TUSC3: variants seen among roughly 807,000 people sequenced by gnomAD.
TUSC3 encodes the protein dolichyl-diphosphooligosaccharide--protein glycosyltransferase subunit TUSC3.
In TUSC3, 45 loss-of-function variants were observed where a neutral mutation model predicts 44.8. The ratio of observed to expected loss-of-function variants is 1.00; its 90% CI spans 0.79 to 1.29. The LOEUF is 1.29. Ranked by LOEUF, TUSC3 falls within the 50% of genes most tolerant of loss-of-function variation. The probability of loss-of-function intolerance (pLI) is 0.00; values close to 1 mark genes in which losing one functional copy is unlikely to be tolerated. For missense variants in TUSC3, 519 were observed against 437.9 expected (o/e 1.19, Z -1.65); for synonymous variants, 212 against 152.9 (o/e 1.39, Z -2.85).
At chr8:15,504,205 A>C (rs938687912) in intron 2 of TUSC3, among the ~76,000 whole-genome samples, 16 of 152,024 alleles carry the variant, frequency 1.1e-4, no homozygotes, top group Non-Finnish European at 1.8e-4. Context: ...TGGTTCTGTC[A>C]CTTGCCAGCT....
chr8:15,475,477 TCA>T, intron 1 of TUSC3, among the ~76,000 whole-genome samples: 1 of 152,334 alleles, frequency 6.6e-6, no homozygotes, highest in South Asian at 2.1e-4. Context: ...TGTTTATCTC[TCA>T]GTCTCTTAGC....
At chr8:15,611,746 G>A (rs1804770654) in intron 1 of TUSC3, among the ~76,000 whole-genome samples, 1 of 152,154 alleles carries the variant, frequency 6.6e-6, no homozygotes, top group South Asian at 2.1e-4. Flanking sequence ...AGTTTGTAAT[G>A]TAGATGAGGT....
chr8:15,435,757 A>G (rs917936644), intron 1 of TUSC3, among the ~76,000 whole-genome samples: 2 of 152,232 alleles, frequency 1.3e-5, no homozygotes, highest in Non-Finnish European at 2.9e-5. Flanking sequence ...AACTTGGCCT[A>G]CATTGCTCTT....
chr8:15,665,070 G>A (rs1407255880), intron 5 of TUSC3, among the ~76,000 whole-genome samples: 6 of 151,346 alleles, frequency 4.0e-5, no homozygotes, highest in African/African-American at 1.5e-4. Flanking sequence ...ACATTTGTCT[G>A]TTTAAAATAA....
Position 15,659,734 on chromosome 8 carries a change from T to A in TUSC3, c.567+87T>A, listed in dbSNP as rs532302363. ...TTAATAAGGCCACAGTAATACTTTTTAATTTCTCTATGGTTGTTTCTCCTT... is the reference window on the plus strand; with the variant it reads ...TTAATAAGGCCACAGTAATACTTTTAAATTTCTCTATGGTTGTTTCTCCTT... On this transcript the variant is annotated intron_variant, in intron 4 of 10. Transcript: ENST00000503731. 4.0e-4 allele frequency: 613 copies of A among 1,540,754 alleles called. 8 individuals are homozygous for A. The South Asian group carries it at 6.7e-3, about 17-fold the overall frequency.
At chr8:15,493,477 G>C (rs773110169) in intron 2 of TUSC3, among the ~76,000 whole-genome samples, 1 of 152,004 alleles carries the variant, frequency 6.6e-6, no homozygotes, top group Non-Finnish European at 1.5e-5. Context: ...TGCCCAAGCC[G>C]GTCTCGAACT....
At chr8:15,847,224 A>G in the TUSC3 span, among the ~76,000 whole-genome samples, 23 of 152,294 alleles carry the variant, frequency 1.5e-4, no homozygotes, top group East Asian at 3.3e-3. Flanking sequence ...GAGGGTGTGT[A>G]TGAGACAGAA....
At chr8:15,643,043 C>G (rs1295991207) in intron 2 of TUSC3, among the ~76,000 whole-genome samples, 1 of 152,072 alleles carries the variant, frequency 6.6e-6, no homozygotes, top group Non-Finnish European at 1.5e-5. Context: ...TTGGGAGGGA[C>G]CCATGTTGTT....
chr8:15,623,959 A>C (rs1172344944), intron 2 of TUSC3, among the ~76,000 whole-genome samples: 1 of 151,964 alleles, frequency 6.6e-6, no homozygotes, highest in Non-Finnish European at 1.5e-5. Context: ...CGCACTCTCC[A>C]TTGTACTTCT....
At chr8:15,514,098 A>G (rs575289125) in intron 2 of TUSC3, among the ~76,000 whole-genome samples, 2 of 152,300 alleles carry the variant, frequency 1.3e-5, no homozygotes, top group African/African-American at 4.8e-5. Context: ...TGCATTAACA[A>G]AGAGAGGTGC....
rs186737239 is a variant in TUSC3, at chr8:15,746,191, A to G, written c.938-2184A>G. On this transcript the variant is annotated intron_variant, in intron 8 of 10. Transcript: ENST00000503731. ...AAGGTAAATAAGAAATTTGTAGTAA[A>G]TTTTTAAATCTTACAATATTTATTG... Among the ~76,000 whole-genome samples the G allele has an allele frequency of 6.8e-4, 103 of 152,096 alleles. No homozygotes were observed. In the East Asian group the frequency reaches 0.013, roughly 19 times the overall value.
Position 15,517,846 on chromosome 8 carries a change from TC to T in TUSC3, n.189+34364del, listed in dbSNP as rs138425183. Among the ~76,000 whole-genome samples, 631 of 152,234 alleles carry T rather than the reference TC, an allele frequency of 4.1e-3. 15 individuals are homozygous for T. In the East Asian group the frequency reaches 0.065, roughly 16 times the overall value. On this transcript the variant is annotated intron_variant and non_coding_transcript_variant, in intron 2 of 5. Coordinates refer to the TUSC3 transcript ENST00000503191. ...TGTTTTTAAATTTATTATCATTTTT[TC>T]TTCTGATATAATTCACATACCACAA...
chr8:15,584,935 G>T (rs1803533963), intron 1 of TUSC3, among the ~76,000 whole-genome samples: 1 of 152,050 alleles, frequency 6.6e-6, no homozygotes, highest in Admixed American at 6.6e-5. Flanking sequence ...TATTGTAGGA[G>T]ACATAAAGAC....
intron 10 of TUSC3, chr8:15,758,166 C>A: frequency 9.2e-7 from 1 of 1,086,850 alleles, no homozygotes; most frequent in Non-Finnish European, 1.1e-6. Context: ...AAAAGGCAGT[C>A]AACAAATATA....
At chr8:15,527,605 G>A (rs114735425) in intron 2 of TUSC3, among the ~76,000 whole-genome samples, 2,184 of 152,222 alleles carry the variant, frequency 0.014, 41 homozygotes, top group African/African-American at 0.047. Flanking sequence ...TGGTCTTACT[G>A]TGTTGACCAG....
At chr8:15,518,581 A>G (rs1801253155) in intron 2 of TUSC3, among the ~76,000 whole-genome samples, 1 of 152,182 alleles carries the variant, frequency 6.6e-6, no homozygotes, top group Admixed American at 6.5e-5. Context: ...CTCAGCTTTT[A>G]TAATATTTAT....
intron 3 of TUSC3, among the ~76,000 whole-genome samples, chr8:15,651,759 C>G (rs1268465626): frequency 1.3e-5 from 2 of 152,276 alleles, no homozygotes; most frequent in African/African-American, 4.8e-5. Context: ...TCTAGCAACT[C>G]AAGCAAACTA....
intron 1 of TUSC3, among the ~76,000 whole-genome samples, chr8:15,477,668 G>A (rs1800597624): frequency 6.6e-6 from 1 of 152,088 alleles, no homozygotes; most frequent in South Asian, 2.1e-4. Context: ...CTTTCAGTGA[G>A]CCAAGATTGT....
At chr8:15,701,214 C>G (rs1809390926) in intron 6 of TUSC3, among the ~76,000 whole-genome samples, 1 of 151,908 alleles carries the variant, frequency 6.6e-6, no homozygotes, top group Non-Finnish European at 1.5e-5. Context: ...AATGTAAAAC[C>G]TTTTTATTCC....
Sources: gnomAD v4.1 joint callset for allele counts (sites outside exome capture counted in the v4.1 genomes callset) on GRCh38, gnomAD v4.1.1 for gene constraint, MANE v1.5 for transcripts, NCBI Gene and HGNC (gene_info 2026-07-23, HGNC 2026-07-21) for gene names.